Variants in GALNTL6 observed in about 807,000 individuals in gnomAD.
The protein encoded by GALNTL6 is polypeptide N-acetylgalactosaminyltransferase-like 6.
Under a neutral mutation model 73.7 loss-of-function variants are expected in GALNTL6, and 46 were observed. The observed-to-expected ratio is 0.62, with a 90% CI of 0.49 to 0.80. GALNTL6 has a LOEUF of 0.80. Among genes scored for constraint, GALNTL6 ranks in the 30% least tolerant of loss-of-function variants. GALNTL6 has a pLI of 0.00. For synonymous variants in GALNTL6, 259 were observed against 263.7 expected (o/e 0.98, Z 0.17); for missense variants, 604 against 755.0 (o/e 0.80, Z 2.34).
chr4:171,890,241 T>C (rs1458502883), intron 2 of GALNTL6, among the ~76,000 whole-genome samples: 1 of 152,124 alleles, frequency 6.6e-6, no homozygotes, highest in African/African-American at 2.4e-5. Flanking sequence ...CAAAGTCAAG[T>C]GGTTTTTATA....
intron 3 of GALNTL6, among the ~76,000 whole-genome samples, chr4:172,261,790 AT>A (rs1738267752): frequency 6.6e-6 from 1 of 151,210 alleles, no homozygotes; most frequent in African/African-American, 2.4e-5. Context: ...GGTTTTGATA[AT>A]TTGTGTCACT....
At chr4:172,428,765 T>G (rs952650121) in intron 5 of GALNTL6, among the ~76,000 whole-genome samples, 6 of 152,204 alleles carry the variant, frequency 3.9e-5, no homozygotes, top group African/African-American at 1.2e-4. Flanking sequence ...TCTGCACAAT[T>G]TTTTTCCAAA....
At chr4:172,005,312 A>T (rs771451651) in intron 2 of GALNTL6, among the ~76,000 whole-genome samples, 1 of 151,996 alleles carries the variant, frequency 6.6e-6, no homozygotes, top group Non-Finnish European at 1.5e-5. Context: ...CTTTTTGTAT[A>T]GATGAGGTTT....
chr4:172,003,651 A>G (rs1303206661), intron 2 of GALNTL6, among the ~76,000 whole-genome samples: 2 of 152,082 alleles, frequency 1.3e-5, no homozygotes, highest in African/African-American at 2.4e-5. Context: ...TTAAAATGTC[A>G]TGGTTGGTTG....
chr4:172,981,861 G>A (rs1364709767), intron 10 of GALNTL6, among the ~76,000 whole-genome samples: 3 of 136,436 alleles, frequency 2.2e-5, no homozygotes, highest in East Asian at 2.3e-4. Context: ...GGAGTGCAGT[G>A]TGATAGCTCA....
intron 5 of GALNTL6, among the ~76,000 whole-genome samples, chr4:172,677,440 AT>A (rs1732367964): frequency 6.6e-6 from 1 of 152,180 alleles, no homozygotes; most frequent in African/African-American, 2.4e-5. Flanking sequence ...TAGCAATTCA[AT>A]TCAACAGCTA....
At chr4:172,236,563 A>AAAAC in intron 3 of GALNTL6, among the ~76,000 whole-genome samples, 1 of 151,302 alleles carries the variant, frequency 6.6e-6, no homozygotes, top group Non-Finnish European at 1.5e-5. Context: ...CGTCTCAAAT[A>AAAAC]AAAAAAAAAA....
chr4:171,944,364 G>A (rs1241750798), intron 2 of GALNTL6, among the ~76,000 whole-genome samples: 3 of 151,998 alleles, frequency 2.0e-5, no homozygotes, highest in African/African-American at 4.8e-5. Context: ...ACAGTATGAA[G>A]ACTAAGTGAT....
intron 10 of GALNTL6, among the ~76,000 whole-genome samples, chr4:172,977,096 C>T (rs564025196): frequency 1.3e-5 from 2 of 152,324 alleles, no homozygotes; most frequent in South Asian, 2.1e-4. Context: ...CACATTCTCT[C>T]CATGTAAGCA....
chr4:172,599,346 G>C (rs1195115104), intron 5 of GALNTL6, among the ~76,000 whole-genome samples: 1 of 151,606 alleles, frequency 6.6e-6, no homozygotes, highest in Non-Finnish European at 1.5e-5. Context: ...GTACAACTAT[G>C]ATCATGGGGG....
intron 3 of GALNTL6, among the ~76,000 whole-genome samples, chr4:172,309,800 G>A (rs187927883): frequency 2.1e-4 from 32 of 152,054 alleles, no homozygotes; most frequent in Non-Finnish European, 4.0e-4. Flanking sequence ...AATAACTTTA[G>A]TGTGTGCTAT....
At chr4:171,844,855 T>C (rs572954844) in intron 2 of GALNTL6, among the ~76,000 whole-genome samples, 3 of 152,132 alleles carry the variant, frequency 2.0e-5, no homozygotes, top group Non-Finnish European at 4.4e-5. Context: ...GGGACTTTCT[T>C]TGGAGATGCT....
At chr4:172,192,945 C>T (rs1275933116) in intron 2 of GALNTL6, among the ~76,000 whole-genome samples, 5 of 152,184 alleles carry the variant, frequency 3.3e-5, no homozygotes, top group African/African-American at 1.2e-4. Context: ...ATCCATTTCT[C>T]CTCAGCAGGT....
intron 2 of GALNTL6, among the ~76,000 whole-genome samples, chr4:172,020,628 A>G (rs28788517): frequency 0.44 from 67,147 of 151,444 alleles, 15,318 homozygotes; most frequent in Admixed American, 0.54. Context: ...ACAAAACCTG[A>G]ACAGATCAAT....
chr4:172,113,368 G>A (rs1732906610), intron 2 of GALNTL6, among the ~76,000 whole-genome samples: 1 of 151,944 alleles, frequency 6.6e-6, no homozygotes, highest in Admixed American at 6.6e-5. Context: ...AAAATAACAA[G>A]AGGAGCAATT....
chr4:172,444,527 T>C (rs993219313), intron 5 of GALNTL6, among the ~76,000 whole-genome samples: 4 of 152,178 alleles, frequency 2.6e-5, no homozygotes, highest in African/African-American at 9.6e-5. Flanking sequence ...CTATAAAACA[T>C]AGATACTTCC....
chr4:172,940,856 A>G (rs1445659975), intron 9 of GALNTL6, among the ~76,000 whole-genome samples: 2 of 152,020 alleles, frequency 1.3e-5, no homozygotes, highest in African/African-American at 4.8e-5. Context: ...TATTTTTGGT[A>G]GAGACGGGGT....
At chr4:172,917,588 A>G (rs1398927072) in intron 8 of GALNTL6, among the ~76,000 whole-genome samples, 1 of 152,158 alleles carries the variant, frequency 6.6e-6, no homozygotes, top group Non-Finnish European at 1.5e-5. Context: ...AGTGGGCGAA[A>G]GACATGAACA....
rs1486176473 is a variant in GALNTL6, at chr4:171,821,652, T to G, written c.138+6934T>G. On this transcript the variant is annotated intron_variant, in intron 2 of 12. Transcript: ENST00000506823. ...ACAAGGCTTAACGGATATATATATATATATATATATATATAGTTATTACAC... is the reference window on the plus strand; with the variant it reads ...ACAAGGCTTAACGGATATATATATAGATATATATATATATAGTTATTACAC... Among the ~76,000 whole-genome samples, 13 of 18,146 alleles carry G rather than the reference T, an allele frequency of 7.2e-4. No homozygotes were observed. In the East Asian group the frequency reaches 0.056, roughly 78 times the overall value. 11.9% of individuals were successfully genotyped at this position (18,146 alleles called of 152,430 possible). A position where few individuals can be genotyped will look rare whatever the true frequency, so the allele number is the denominator to read the frequency against.
Sources: gnomAD v4.1 joint callset for allele counts (sites outside exome capture counted in the v4.1 genomes callset) on GRCh38, gnomAD v4.1.1 for gene constraint, MANE v1.5 for transcripts, NCBI Gene and HGNC (gene_info 2026-07-23, HGNC 2026-07-21) for gene names.